GALNT1: variants seen among roughly 807,000 people sequenced by gnomAD.
GALNT1 encodes polypeptide N-acetylgalactosaminyltransferase 1, also known as GalNAc transferase 1.
GALNT1 carries 17 observed loss-of-function variants against 65.7 expected under a neutral mutation model. That is an observed-to-expected ratio of 0.26 (90% CI 0.18 to 0.39). GALNT1 has a LOEUF of 0.39. GALNT1 is among the 10% of genes least tolerant of loss of function. GALNT1 has a pLI of 1.00. For synonymous variants in GALNT1, 210 were observed against 219.7 expected, an observed-to-expected ratio of 0.96 and a Z score of 0.39; for missense variants, 460 against 672.8, an observed-to-expected ratio of 0.68 and a Z score of 3.50.
At chr18:35,666,552 T>G (rs1237828434) in intron 3 of GALNT1, among the ~76,000 whole-genome samples, 1 of 152,230 alleles carries the variant, frequency 6.6e-6, no homozygotes, top group Non-Finnish European at 1.5e-5. Context: ...TTTTTGTCAT[T>G]TTAATAACCC....
Position 35,683,265 on chromosome 18 carries a change from G to A in GALNT1, c.482-126G>A, listed in dbSNP as rs1027837573. On this transcript the variant is annotated intron_variant, in intron 4 of 11. Coordinates refer to ENST00000269195, the MANE Select transcript of GALNT1 (RefSeq NM_020474.4). ...TTCCTTTAGCAGAATGGGTTTATGA[G>A]TCAGGGAGCCTCACTGAGAGTGTTC... 1.4e-5 allele frequency: 10 copies of A among 693,918 alleles called. No homozygotes were observed. The African/African-American group carries it at 1.6e-4, about 11-fold the overall frequency. The allele number at this position is 693,918 out of a possible 1,614,324, so 43.0% of individuals were successfully genotyped here.
At chr18:35,605,961 G>T (rs2143999186) in intron 1 of GALNT1, among the ~76,000 whole-genome samples, 1 of 152,286 alleles carries the variant, frequency 6.6e-6, no homozygotes, top group East Asian at 1.9e-4. Flanking sequence ...AAACAATTAT[G>T]AATATTTAGG....
At chr18:35,693,584 A>G (rs1271504461) in intron 9 of GALNT1, among the ~76,000 whole-genome samples, 1 of 152,198 alleles carries the variant, frequency 6.6e-6, no homozygotes, top group Admixed American at 6.5e-5. Context: ...GTAAAGGATT[A>G]TGTCTGGTTT....
intron 6 of GALNT1, among the ~76,000 whole-genome samples, chr18:35,688,542 A>G (rs919070081): frequency 3.3e-5 from 5 of 152,132 alleles, no homozygotes; most frequent in South Asian, 2.1e-4. Context: ...CCTGAGCCCT[A>G]TTTTGATGAA....
At chr18:35,628,698 C>T (rs949288585) in intron 1 of GALNT1, among the ~76,000 whole-genome samples, 44 of 152,188 alleles carry the variant, frequency 2.9e-4, no homozygotes, top group African/African-American at 9.2e-4. Context: ...TCACCAGCAA[C>T]GGAACAAAGC....
chr18:35,679,714 T>C (rs1421539263), intron 4 of GALNT1, among the ~76,000 whole-genome samples: 1 of 151,332 alleles, frequency 6.6e-6, no homozygotes, highest in East Asian at 1.9e-4. Context: ...TAGATCTTTG[T>C]TTTTGTGGTT....
chr18:35,711,781 T>G lies in GALNT1; in HGVS notation c.*2011T>G, dbSNP rs1301751828. Reference sequence around the variant, plus strand: ...TGATAGATAATCCCATTGCCTTTATTTTTCTAATTAAAGAATTCCTAAATA... The same window carrying G: ...TGATAGATAATCCCATTGCCTTTATGTTTCTAATTAAAGAATTCCTAAATA... On this transcript the variant is annotated 3_prime_UTR_variant, in exon 12 of 12. Coordinates refer to ENST00000269195, the MANE Select transcript of GALNT1 (RefSeq NM_020474.4). The G allele has an allele frequency of 6.6e-6, 1 of 152,222 alleles. No individual in the cohort carries two copies. The highest frequency in any genetic ancestry group is 1.5e-5 in the Non-Finnish European group (1 of 68,042). The allele number at this position is 152,222 out of a possible 1,614,324, so 9.4% of individuals were successfully genotyped here.
chr18:35,623,852 T>C (rs572373458), intron 1 of GALNT1, among the ~76,000 whole-genome samples: 1 of 152,364 alleles, frequency 6.6e-6, no homozygotes, highest in South Asian at 2.1e-4. Context: ...GTTATAGTCC[T>C]TGCCAACTGA....
At chr18:35,643,138 C>T (rs368988293) in intron 1 of GALNT1, among the ~76,000 whole-genome samples, 4 of 151,844 alleles carry the variant, frequency 2.6e-5, no homozygotes, top group Admixed American at 6.6e-5. Context: ...ATCATGAGCC[C>T]GGCAGCCACT....
chr18:35,633,245 A>G (rs1219722940), intron 1 of GALNT1, among the ~76,000 whole-genome samples: 1 of 152,144 alleles, frequency 6.6e-6, no homozygotes, highest in African/African-American at 2.4e-5. Context: ...ACATGCACAC[A>G]TATGTTTATT....
At chr18:35,693,295 G>A (rs1277517759) in intron 9 of GALNT1, among the ~76,000 whole-genome samples, 2 of 152,188 alleles carry the variant, frequency 1.3e-5, no homozygotes, top group African/African-American at 2.4e-5. Flanking sequence ...AGATGACAAT[G>A]TACTTAGCGC....
intron 2 of GALNT1, among the ~76,000 whole-genome samples, chr18:35,661,903 G>C (rs139133019): frequency 8.5e-4 from 130 of 152,054 alleles, no homozygotes; most frequent in African/African-American, 2.9e-3. Context: ...ATAGAGCATG[G>C]GTAACAGAAG....
At chr18:35,636,025 G>A (rs1329717213) in intron 1 of GALNT1, among the ~76,000 whole-genome samples, 6 of 152,032 alleles carry the variant, frequency 3.9e-5, no homozygotes, top group Non-Finnish European at 8.8e-5. Context: ...AAAAAAGAAT[G>A]TCTGATTCCA....
In GALNT1 at chr18:35,639,307, G is replaced by A. The variant is rs1276253172; in HGVS notation, c.-103-15253G>A. 3.3e-5 allele frequency among the ~76,000 whole-genome samples: 5 copies of A among 152,164 alleles called. No individual in the cohort carries two copies. The East Asian group carries it at 9.6e-4, about 29-fold the overall frequency. On this transcript the variant is annotated intron_variant, in intron 1 of 11. Coordinates refer to ENST00000269195, the MANE Select transcript of GALNT1 (RefSeq NM_020474.4). ...TCAGCAGCCATCAACACTAAGGCAA[G>A]ACCCTCCACCAGCAAAAAAATTACG...
At chr18:35,670,348 A>T (rs2047616787) in intron 3 of GALNT1, among the ~76,000 whole-genome samples, 1 of 152,198 alleles carries the variant, frequency 6.6e-6, no homozygotes, top group South Asian at 2.1e-4. Context: ...GTCTATATTA[A>T]AAAGAAAAAT....
At chr18:35,582,185 G>T (rs1408437829) in intron 1 of GALNT1, among the ~76,000 whole-genome samples, 1 of 152,154 alleles carries the variant, frequency 6.6e-6, no homozygotes, top group Non-Finnish European at 1.5e-5. Context: ...GGGTTCGGCC[G>T]TGTGGTACTT....
At position 35,703,580 on chromosome 18, in the gene GALNT1, C is replaced by G; in HGVS notation, c.1470C>G (p.Gly490=). 6.2e-7 allele frequency: 1 copy of G among 1,613,886 alleles called. No homozygotes were observed. The highest frequency in any genetic ancestry group is 1.1e-5 in the South Asian group (1 of 91,062). The change falls in exon 11 of 12, where the codon GGC becomes GGG. Residue 490 remains glycine, a synonymous_variant. Transcript: ENST00000269195. The part of the protein sequence containing the change: ...DLCLDVSKLN[G]PVTMLKCHHL... The stretch of plus-strand genomic sequence containing the variant: ...GCTTGGATGTTTCCAAACTTAATGG[C>G]CCAGTTACAATGCTCAAATGCCACC...
intron 1 of GALNT1, chr18:35,596,313 A>T (rs565342433): frequency 2.6e-5 from 4 of 152,330 alleles, no homozygotes; most frequent in Admixed American, 2.6e-4. Context: ...GGTAATAATA[A>T]TATCATTCCT....
chr18:35,652,352 T>C (rs1244632845), intron 1 of GALNT1, among the ~76,000 whole-genome samples: 1 of 152,198 alleles, frequency 6.6e-6, no homozygotes, highest in Non-Finnish European at 1.5e-5. Flanking sequence ...TTCCTCTGAC[T>C]TTTCATGCCT....
Sources: allele counts gnomAD v4.1 joint callset (sites outside exome capture counted in the v4.1 genomes callset), GRCh38; gene constraint gnomAD v4.1.1; transcripts MANE v1.5; gene names NCBI Gene and HGNC (gene_info 2026-07-23, HGNC 2026-07-21).